Variants in KCNH8 observed in about 807,000 individuals in gnomAD.
KCNH8 encodes voltage-gated delayed rectifier potassium channel KCNH8.
Under a neutral mutation model 103.6 loss-of-function variants are expected in KCNH8, and 70 were observed. That is an observed-to-expected ratio of 0.68 (90% CI 0.56 to 0.82). The LOEUF is 0.82. Among genes scored for constraint, KCNH8 ranks in the 40% least tolerant of loss-of-function variants. KCNH8 has a pLI of 0.00. For missense variants in KCNH8, 1,217 were observed against 1,329.9 expected (o/e 0.92, Z 1.32); for synonymous variants, 498 against 489.4 (o/e 1.02, Z -0.23).
At chr3:19,338,157 A>G (rs113422203) in intron 3 of KCNH8, among the ~76,000 whole-genome samples, 56 of 152,104 alleles carry the variant, frequency 3.7e-4, no homozygotes, top group African/African-American at 1.2e-3. Flanking sequence ...TGTGGCTTCA[A>G]AGGCGCTGGA....
intron 7 of KCNH8, among the ~76,000 whole-genome samples, chr3:19,401,808 A>G (rs180809488): frequency 2.4e-3 from 369 of 152,082 alleles, no homozygotes; most frequent in Non-Finnish European, 3.6e-3. Flanking sequence ...GGGCATTTAG[A>G]TAGTAAGAAA....
chr3:19,432,783 C>T (rs1026370167), intron 7 of KCNH8, among the ~76,000 whole-genome samples: 3 of 152,118 alleles, frequency 2.0e-5, no homozygotes, highest in Non-Finnish European at 2.9e-5. Flanking sequence ...TTAAATGCAA[C>T]AGTTCATAGT....
At chr3:19,504,563 A>C (rs1161663127) in intron 11 of KCNH8, among the ~76,000 whole-genome samples, 1 of 152,194 alleles carries the variant, frequency 6.6e-6, no homozygotes, top group Non-Finnish European at 1.5e-5. Flanking sequence ...ACAAGTGGCC[A>C]ACAGTCATAT....
intron 11 of KCNH8, among the ~76,000 whole-genome samples, chr3:19,458,391 A>G (rs1055764890): frequency 6.6e-6 from 1 of 151,922 alleles, no homozygotes; most frequent in Non-Finnish European, 1.5e-5. Context: ...TAGCAAAGAG[A>G]GAAAAATCGC....
At chr3:19,246,223 A>G (rs896664510) in intron 1 of KCNH8, among the ~76,000 whole-genome samples, 2 of 150,738 alleles carry the variant, frequency 1.3e-5, no homozygotes, top group East Asian at 3.9e-4. Flanking sequence ...TTTTTATTAA[A>G]CCATTCAAAT....
Position 19,390,475 on chromosome 3 carries a change from A to C in KCNH8, c.812-6A>C. On this transcript the variant is annotated splice_region_variant and splice_polypyrimidine_tract_variant and intron_variant, in intron 5 of 15. Transcript: ENST00000328405. Reference sequence around the variant, plus strand: ...TTTATTTCTCAACCTTTTTTTTCCCAAGCAGATATTATTTTAAATTTCCGA... The same window carrying C: ...TTTATTTCTCAACCTTTTTTTTCCCCAGCAGATATTATTTTAAATTTCCGA... 1 of 1,599,338 alleles carries C rather than the reference A, an allele frequency of 6.3e-7. No individual in the cohort carries two copies. The highest frequency in any genetic ancestry group is 8.5e-7 in the Non-Finnish European group (1 of 1,172,046).
At chr3:19,519,656 A>C (rs558994506) in intron 15 of KCNH8, among the ~76,000 whole-genome samples, 15 of 151,672 alleles carry the variant, frequency 9.9e-5, no homozygotes, top group African/African-American at 2.7e-4. Flanking sequence ...TTGTTAAAAC[A>C]AAAAAACAAA....
rs983477503 is a variant in KCNH8 at position 19,202,992 on chromosome 3, G to A, written c.77-50662G>A. Among the ~76,000 whole-genome samples, 4 of 152,150 alleles carry A rather than the reference G, an allele frequency of 2.6e-5. No homozygotes were observed. In the South Asian group the frequency reaches 8.3e-4, roughly 32 times the overall value. Reference sequence around the variant, plus strand: ...CCACTTCAAATACTGTTTGCATTTTGTTCAAAATTAGTTAGAAATTTAGAA... The same window carrying A: ...CCACTTCAAATACTGTTTGCATTTTATTCAAAATTAGTTAGAAATTTAGAA... On this transcript the variant is annotated intron_variant, in intron 1 of 15. Coordinates refer to ENST00000328405, the MANE Select transcript of KCNH8 (RefSeq NM_144633.3).
At chr3:19,330,997 C>T (rs931885844) in intron 3 of KCNH8, among the ~76,000 whole-genome samples, 1 of 152,094 alleles carries the variant, frequency 6.6e-6, no homozygotes, top group Admixed American at 6.6e-5. Context: ...CCCAGAAAGA[C>T]ATAAATCTCC....
intron 1 of KCNH8, among the ~76,000 whole-genome samples, chr3:19,184,234 T>C (rs1207575664): frequency 6.6e-6 from 1 of 152,036 alleles, no homozygotes; most frequent in African/African-American, 2.4e-5. Flanking sequence ...CCTTATGAAA[T>C]TGAACCACCT....
At chr3:19,462,748 T>C (rs762496759) in intron 11 of KCNH8, among the ~76,000 whole-genome samples, 2 of 152,222 alleles carry the variant, frequency 1.3e-5, no homozygotes, top group Non-Finnish European at 2.9e-5. Context: ...TTCCCTAGGT[T>C]TTCTTCTAGG....
At chr3:19,386,130 C>T (rs878862437) in intron 5 of KCNH8, among the ~76,000 whole-genome samples, 2 of 152,076 alleles carry the variant, frequency 1.3e-5, no homozygotes, top group Admixed American at 6.6e-5. Flanking sequence ...ATGGATTTAA[C>T]CTTTCTGCTT....
chr3:19,152,194 T>C (rs1036367253), intron 1 of KCNH8, among the ~76,000 whole-genome samples: 1 of 152,152 alleles, frequency 6.6e-6, no homozygotes, highest in African/African-American at 2.4e-5. Context: ...CTTTTCTGTT[T>C]AGACTTTTGC....
At chr3:19,492,591 C>T (rs2068346731) in intron 11 of KCNH8, among the ~76,000 whole-genome samples, 1 of 152,076 alleles carries the variant, frequency 6.6e-6, no homozygotes, top group African/African-American at 2.4e-5. Context: ...GGTGTAGTTA[C>T]AAGTCAGGTA....
intron 11 of KCNH8, among the ~76,000 whole-genome samples, chr3:19,483,748 A>G (rs563178986): frequency 6.6e-6 from 1 of 152,254 alleles, no homozygotes; most frequent in East Asian, 1.9e-4. Context: ...TTACTCAAGG[A>G]TCCAGTCTGG....
At chr3:19,519,280 G>A (rs2068930770) in intron 15 of KCNH8, among the ~76,000 whole-genome samples, 1 of 151,936 alleles carries the variant, frequency 6.6e-6, no homozygotes, top group Admixed American at 6.6e-5. Context: ...TAAAGTCTTA[G>A]TAATAGTTGA....
chr3:19,438,407 C>T, intron 8 of KCNH8, 46 bp downstream of exon 8: 1 of 1,477,826 alleles, frequency 6.8e-7, no homozygotes, highest in Non-Finnish European at 9.3e-7. Context: ...ACTATGCCTA[C>T]CTAACTGTCA....
chr3:19,288,392 C>A (rs1559460573), intron 3 of KCNH8, among the ~76,000 whole-genome samples: 1 of 151,548 alleles, frequency 6.6e-6, no homozygotes, highest in Non-Finnish European at 1.5e-5. Flanking sequence ...CCCCACACCC[C>A]ACAACAGGCC....
At chr3:19,443,938 C>A (rs979110515) in intron 8 of KCNH8, among the ~76,000 whole-genome samples, 1 of 151,920 alleles carries the variant, frequency 6.6e-6, no homozygotes, top group African/African-American at 2.4e-5. Context: ...ACTCACGTTG[C>A]AAAAATATCA....
Sources: allele counts gnomAD v4.1 joint callset (sites outside exome capture counted in the v4.1 genomes callset), GRCh38; gene constraint gnomAD v4.1.1; transcripts MANE v1.5; gene names NCBI Gene and HGNC (gene_info 2026-07-23, HGNC 2026-07-21).